The following NR3C2 variants were observed in gnomAD, a reference collection of about 807,000 sequenced individuals.
NR3C2 encodes mineralocorticoid receptor.
Under a neutral mutation model 86.4 loss-of-function variants are expected in NR3C2, and 15 were observed. That is an observed-to-expected ratio of 0.17 (90% CI 0.12 to 0.27). The LOEUF is 0.27. NR3C2 is among the 10% of genes least tolerant of loss of function. NR3C2 has a pLI of 1.00. For synonymous variants in NR3C2, 458 were observed against 450.5 expected (o/e 1.02, Z -0.21); for missense variants, 960 against 1,195.6 (o/e 0.80, Z 2.91).
chr4:148,439,157 T>C (rs1750213499), intron 1 of NR3C2, among the ~76,000 whole-genome samples: 1 of 152,192 alleles, frequency 6.6e-6, no homozygotes, highest in East Asian at 1.9e-4. Context: ...AGACTGGCCT[T>C]TTATGCTTTA....
At chr4:148,205,885 A>G (rs184744914) in intron 3 of NR3C2, among the ~76,000 whole-genome samples, 22 of 152,336 alleles carry the variant, frequency 1.4e-4, no homozygotes, top group Non-Finnish European at 2.4e-4. Context: ...CTAAAAAAAA[A>G]ATGTTGTCAG....
intron 2 of NR3C2, among the ~76,000 whole-genome samples, chr4:148,278,414 G>A (rs1741068375): frequency 6.6e-6 from 1 of 152,040 alleles, no homozygotes. Context: ...ATCACGTTTT[G>A]AAATATAACC....
intron 3 of NR3C2, among the ~76,000 whole-genome samples, chr4:148,199,080 C>CA (rs60075012): frequency 0.022 from 792 of 36,784 alleles, 25 homozygotes; most frequent in African/African-American, 0.054. Flanking sequence ...GACTCCATCT[C>CA]AAAAAAAAAA....
At chr4:148,351,305 C>T (rs1289391685) in intron 2 of NR3C2, among the ~76,000 whole-genome samples, 1 of 152,032 alleles carries the variant, frequency 6.6e-6, no homozygotes, top group Non-Finnish European at 1.5e-5. Context: ...GCTGCCATGC[C>T]CTAATTTTTT....
intron 2 of NR3C2, among the ~76,000 whole-genome samples, chr4:148,295,437 T>C (rs144996159): frequency 1.1e-3 from 169 of 151,522 alleles, no homozygotes; most frequent in Non-Finnish European, 2.0e-3. Context: ...GTGCTACCTC[T>C]CTGTGTGCAT....
intron 2 of NR3C2, among the ~76,000 whole-genome samples, chr4:148,419,405 C>T (rs552624592): frequency 6.6e-6 from 1 of 152,280 alleles, no homozygotes; most frequent in Non-Finnish European, 1.5e-5. Flanking sequence ...TGTATAGCGT[C>T]CTGGTGAGCA....
rs540732430 is a variant in NR3C2, at chr4:148,146,105, G to T, written c.2510+6364C>A. On this transcript the variant is annotated intron_variant, in intron 6 of 8. Coordinates refer to ENST00000358102, the MANE Select transcript of NR3C2 (RefSeq NM_000901.5). Reference sequence around the variant, plus strand: ...AAGAAGGGGAAGTGGGCTGGGGAGAGAGAAGGAAGAACAAAAGCAGCCATT... The same window carrying T: ...AAGAAGGGGAAGTGGGCTGGGGAGATAGAAGGAAGAACAAAAGCAGCCATT... Among the ~76,000 whole-genome samples, 34 of 152,204 alleles carry T rather than the reference G, an allele frequency of 2.2e-4. 1 individual carries two copies. In the South Asian group the frequency reaches 5.6e-3, roughly 25 times the overall value.
At chr4:148,278,310 G>C (rs1741060849) in intron 2 of NR3C2, among the ~76,000 whole-genome samples, 5 of 152,076 alleles carry the variant, frequency 3.3e-5, no homozygotes. Flanking sequence ...ATTTTACCCA[G>C]ACTGGTCTCG....
intron 2 of NR3C2, among the ~76,000 whole-genome samples, chr4:148,350,137 G>T (rs1006389290): frequency 6.6e-6 from 1 of 152,080 alleles, no homozygotes; most frequent in Non-Finnish European, 1.5e-5. Flanking sequence ...AGGGAATTCC[G>T]GCATATCTCC....
chr4:148,310,288 C>T (rs188786384), intron 2 of NR3C2, among the ~76,000 whole-genome samples: 1 of 152,210 alleles, frequency 6.6e-6, no homozygotes, highest in East Asian at 1.9e-4. Flanking sequence ...TGCTTATACC[C>T]AAGGCTCCAT....
intron 2 of NR3C2, among the ~76,000 whole-genome samples, chr4:148,365,724 T>A (rs1746080804): frequency 7.0e-6 from 1 of 143,772 alleles, no homozygotes; most frequent in African/African-American, 2.6e-5. Flanking sequence ...AAAATATCTA[T>A]AATTTCTATT....
At chr4:148,184,561 TACA>T (rs1007593890) in intron 4 of NR3C2, among the ~76,000 whole-genome samples, 4 of 152,144 alleles carry the variant, frequency 2.6e-5, no homozygotes, top group African/African-American at 9.7e-5. Context: ...TATACATATT[TACA>T]ACAATATTTA....
intron 2 of NR3C2, among the ~76,000 whole-genome samples, chr4:148,398,379 T>C (rs973003691): frequency 6.6e-6 from 1 of 152,178 alleles, no homozygotes; most frequent in Non-Finnish European, 1.5e-5. Context: ...TATGAGAAAT[T>C]GAGGGCAGTA....
At position 148,093,467 on chromosome 4, in the gene NR3C2, G is replaced by A. The variant is rs138630377; in HGVS notation, c.2800-11968C>T. On this transcript the variant is annotated intron_variant, in intron 8 of 8. Coordinates refer to ENST00000358102, the MANE Select transcript of NR3C2 (RefSeq NM_000901.5). ...GTAGGTCCCACATGACTTCAATAGC[G>A]TGCTCATTTCTTATATGTTATCTGT... Among the ~76,000 whole-genome samples the A allele has an allele frequency of 7.0e-4, 106 of 152,322 alleles. 1 individual carries two copies. Among genetic ancestry groups the A allele is most frequent in the African/African-American group, 1.1e-3 (44 of 41,562 alleles).
In NR3C2 at chr4:148,340,021, C is replaced by A. The variant is rs758550335; in HGVS notation, c.1758-79904G>T. On this transcript the variant is annotated intron_variant, in intron 2 of 8. Coordinates refer to ENST00000358102, the MANE Select transcript of NR3C2 (RefSeq NM_000901.5). The stretch of plus-strand genomic sequence containing the variant: ...AAGTAAAAGATCTCTATAAGAAAAA[C>A]TACAAAACACTGACGAAAGAAATTG... Among the ~76,000 whole-genome samples the A allele has an allele frequency of 2.0e-5, 3 of 151,964 alleles. No homozygotes were observed. In the South Asian group the frequency reaches 6.2e-4, roughly 32 times the overall value.
intron 5 of NR3C2, among the ~76,000 whole-genome samples, chr4:148,153,445 G>T (rs1734198065): frequency 6.6e-6 from 1 of 152,120 alleles, no homozygotes; most frequent in Admixed American, 6.5e-5. Context: ...CCCAAAGTCT[G>T]GGATTACAGG....
intron 2 of NR3C2, among the ~76,000 whole-genome samples, chr4:148,392,806 T>C (rs1055550190): frequency 6.6e-6 from 1 of 152,184 alleles, no homozygotes; most frequent in Non-Finnish European, 1.5e-5. Flanking sequence ...AATACATGCA[T>C]GTTTTCTGGT....
At chr4:148,217,871 G>A (rs1737622892) in intron 3 of NR3C2, among the ~76,000 whole-genome samples, 1 of 152,210 alleles carries the variant, frequency 6.6e-6, no homozygotes, top group African/African-American at 2.4e-5. Flanking sequence ...ATGGACTGCA[G>A]CCTTCGTAAT....
intron 2 of NR3C2, among the ~76,000 whole-genome samples, chr4:148,284,671 C>T (rs1741427178): frequency 6.6e-6 from 1 of 152,136 alleles, no homozygotes; most frequent in African/African-American, 2.4e-5. Context: ...ATCTTGTGAG[C>T]CAAGCTTTAT....
Sources: allele counts gnomAD v4.1 joint callset (sites outside exome capture counted in the v4.1 genomes callset), GRCh38; gene constraint gnomAD v4.1.1; transcripts MANE v1.5; gene names NCBI Gene and HGNC (gene_info 2026-07-23, HGNC 2026-07-21).